Variants in CDHR2 observed in about 807,000 individuals in gnomAD.
The protein encoded by CDHR2 is cadherin related family member 2.
In CDHR2, 104 loss-of-function variants were observed where a neutral mutation model predicts 138.6. The observed-to-expected ratio is 0.75, with a 90% CI of 0.64 to 0.88. The LOEUF (loss-of-function observed/expected upper bound fraction) is 0.88, where lower values mean the gene tolerates loss of function less well. Ranked by LOEUF, CDHR2 falls within the 40% of genes least tolerant of loss-of-function variation. The pLI, the probability that CDHR2 is intolerant of heterozygous loss-of-function variation, is 0.00. For synonymous variants in CDHR2, 755 were observed against 742.8 expected, an observed-to-expected ratio of 1.02 and a Z score of -0.27; for missense variants, 1,624 against 1,727.6, an observed-to-expected ratio of 0.94 and a Z score of 1.06.
At chr5:176,562,810 A>G (rs1441844577) in intron 1 of CDHR2, among the ~76,000 whole-genome samples, 5 of 152,188 alleles carry the variant, frequency 3.3e-5, no homozygotes, top group Admixed American at 3.3e-4. Flanking sequence ...AGCTATGCAT[A>G]TTCATAAAGG....
chr5:176,565,100 G>A (rs182897080), intron 1 of CDHR2, among the ~76,000 whole-genome samples: 3 of 152,142 alleles, frequency 2.0e-5, no homozygotes, highest in African/African-American at 7.2e-5. Flanking sequence ...ATTTCCTGGT[G>A]CATGGCAGGT....
Position 176,589,541 on chromosome 5 carries a change from A to G in CDHR2, c.3131A>G (p.Asp1044Gly), listed in dbSNP as rs1758783218. The G allele has an allele frequency of 6.2e-7, 1 of 1,613,968 alleles. No homozygotes were observed. Among genetic ancestry groups the G allele is most frequent in the Non-Finnish European group, 8.5e-7 (1 of 1,180,010 alleles). The change falls in exon 24 of 32, where the codon GAC becomes GGC. Residue 1044 changes from aspartate (D) to glycine (G), a missense_variant. Asp to Gly is a moderately conservative substitution (Grantham distance 94). Coordinates refer to ENST00000261944, the MANE Select transcript of CDHR2 (RefSeq NM_017675.6). ...CCCCCTTCCCAGCTCTTCACCGTGG[A>G]CCAGAGTTACCGCTCGCGGCTGCAG... Reference protein sequence around the residue: ...ATTTLNLFTVDQSYRSRLQFS... With the variant: ...ATTTLNLFTVGQSYRSRLQFS...
At chr5:176,562,971 C>T (rs1757997951) in intron 1 of CDHR2, among the ~76,000 whole-genome samples, 1 of 152,170 alleles carries the variant, frequency 6.6e-6, no homozygotes, top group South Asian at 2.1e-4. Context: ...AGTAAGCAAT[C>T]TCTGAATGAG....
chr5:176,569,325 C>T (rs1364217040), intron 5 of CDHR2, among the ~76,000 whole-genome samples: 1 of 150,646 alleles, frequency 6.6e-6, no homozygotes, highest in Non-Finnish European at 1.5e-5. Context: ...GCTCTGTCGC[C>T]CAGGCTGGAG....
chr5:176,595,353 A>G (rs1184591011), intron 31 of CDHR2, among the ~76,000 whole-genome samples, 179 bp from the exon 32 acceptor site: 1 of 152,014 alleles, frequency 6.6e-6, no homozygotes, highest in East Asian at 1.9e-4. Flanking sequence ...AATCTGCATC[A>G]CCATTAGCCA....
At chr5:176,574,016 G>A in intron 6 of CDHR2, 67 bp from the exon 7 acceptor site, 1 of 1,197,966 alleles carries the variant, frequency 8.3e-7, no homozygotes, top group Non-Finnish European at 1.2e-6. Flanking sequence ...AGCTCAGGGG[G>A]GCAGTGACGG....
intron 1 of CDHR2, among the ~76,000 whole-genome samples, chr5:176,564,006 A>C (rs1359138276): frequency 1.3e-5 from 2 of 152,332 alleles, no homozygotes; most frequent in Middle Eastern, 3.4e-3. Flanking sequence ...CAACATAGTG[A>C]AACACTGTCT....
At chr5:176,558,090 T>C (rs1757881982) in intron 1 of CDHR2, among the ~76,000 whole-genome samples, 2 of 152,178 alleles carry the variant, frequency 1.3e-5, no homozygotes, top group South Asian at 4.1e-4. Context: ...GGTAAGGTTG[T>C]AGTCCATCGA....
At chr5:176,591,053 G>A (rs1758829941) in intron 28 of CDHR2, among the ~76,000 whole-genome samples, 157 bp from the exon 29 acceptor site, 1 of 152,210 alleles carries the variant, frequency 6.6e-6, no homozygotes, top group Admixed American at 6.5e-5. Context: ...TTGACCTTTG[G>A]CAAATCACTT....
At chr5:176,578,759 A>C (rs574785040) in intron 16 of CDHR2, 151 bp downstream of exon 16, 1 of 1,099,404 alleles carries the variant, frequency 9.1e-7, no homozygotes, top group East Asian at 2.6e-5. Flanking sequence ...AAATGAAGAA[A>C]ATTATAGCCT....
Position 176,589,106 on chromosome 5 carries a change from G to A in CDHR2, c.2932G>A (p.Gly978Arg), listed in dbSNP as rs373435992. ...CCGAGTAGACTTCATCTCTAAGGAC[G>A]GGGCCACCATCCCTTTCCAGGGTGT... ...ILRVDFISKD[G>R]ATIPFQGVFS... Residue 978 changes from glycine (G) to arginine (R), a missense_variant, in exon 22 of 32, where the codon GGG (glycine) becomes AGG (arginine). Physicochemically the swap from Gly to Arg is moderately radical, Grantham distance 125 (BLOSUM62 -2). Around this residue, in one of 3 missense-constraint regions of CDHR2, gnomAD observed 556 missense variants for 565.7 expected, o/e 0.98. Transcript: ENST00000261944. 5.6e-6 allele frequency: 9 copies of A among 1,614,098 alleles called. No homozygotes were observed. Among genetic ancestry groups the A allele is most frequent in the African/African-American group, 2.7e-5 (2 of 75,032 alleles).
chr5:176,554,757 T>C (rs183300612), intron 1 of CDHR2, among the ~76,000 whole-genome samples: 193 of 151,940 alleles, frequency 1.3e-3, no homozygotes, highest in African/African-American at 4.4e-3. Flanking sequence ...ACCTCCCGGG[T>C]TCACACCATT....
At chr5:176,574,343 T>G (rs531702277) in intron 7 of CDHR2, among the ~76,000 whole-genome samples, 171 bp downstream of exon 7, 1 of 152,288 alleles carries the variant, frequency 6.6e-6, no homozygotes, top group East Asian at 1.9e-4. Context: ...AACCTCGCCT[T>G]GCCCGCTTAC....
rs1475568607 is a variant in CDHR2 at position 176,595,653 on chromosome 5, T to G, written c.3914T>G (p.Leu1305Arg). 6.2e-7 allele frequency: 1 copy of G among 1,603,800 alleles called. No individual in the cohort carries two copies. Among genetic ancestry groups the G allele is most frequent in the Non-Finnish European group, 8.5e-7 (1 of 1,174,708 alleles). ...GGGCCATCCTACACCAACGCTGGCC[T>G]GGACACCACGGACCTGTGACAGGGG... ...LEGPSYTNAG[L>R]DTTDL Residue 1305 changes from leucine (L) to arginine (R), a missense_variant, in exon 32 of 32, where the codon CTG (leucine) becomes CGG (arginine). Transcript: ENST00000261944.
At chr5:176,579,301 T>C (rs1758473871) in intron 16 of CDHR2, among the ~76,000 whole-genome samples, 1 of 152,216 alleles carries the variant, frequency 6.6e-6, no homozygotes, top group Admixed American at 6.5e-5. Flanking sequence ...CATGTTCCTA[T>C]CCCTGATCTC....
chr5:176,591,184 G>A, intron 28 of CDHR2, 26 bp from the exon 29 acceptor site: 1 of 1,511,432 alleles, frequency 6.6e-7, no homozygotes, highest in Non-Finnish European at 9.2e-7. Flanking sequence ...CAGCAACAGT[G>A]TGACCCCTCT....
chr5:176,542,591 A>T (rs1473650843), exon 1 of CDHR2: 1 of 152,096 alleles, frequency 6.6e-6, no homozygotes, highest in East Asian at 1.9e-4. Context: ...ATCGAGGAAG[A>T]CAAGTCTACC....
In CDHR2 at chr5:176,591,317, C is replaced by T. The variant is rs775708531; in HGVS notation, c.3647C>T (p.Thr1216Ile). 1.5e-5 allele frequency: 24 copies of T among 1,613,380 alleles called. No homozygotes were observed. The highest frequency in any genetic ancestry group is 2.0e-5 in the Non-Finnish European group (23 of 1,179,444). Residue 1216 changes from threonine to isoleucine, a missense_variant, in exon 29 of 32, where the codon ACT becomes ATT. This residue lies in a region of CDHR2 where 556 missense variants were observed against 565.7 expected (regional missense o/e 0.98). Transcript: ENST00000261944. ...PAIPGTNMYN[T>I]ERANPMLNLP... ...ATCCCAGGGACTAACATGTACAACA[C>T]TGAGCGGTGAGCAGGGGTCAAAGGG...
chr5:176,579,790 G>A (rs552338078), intron 16 of CDHR2, among the ~76,000 whole-genome samples: 42 of 152,244 alleles, frequency 2.8e-4, no homozygotes, highest in African/African-American at 8.4e-4. Flanking sequence ...TCAAGGCCAC[G>A]TTTGCTGAGC....
Sources: gnomAD v4.1 joint callset for allele counts (sites outside exome capture counted in the v4.1 genomes callset) on GRCh38, gnomAD v4.1.1 for gene constraint, gnomAD v4.1.1 regional missense constraint, MANE v1.5 for transcripts, NCBI Gene and HGNC (gene_info 2026-07-23, HGNC 2026-07-21) for gene names.